The following SAXO1 variants were observed in gnomAD, a reference collection of about 807,000 sequenced individuals.
SAXO1 encodes the protein 4930500O09Rik.
In SAXO1, 21 loss-of-function variants were observed where a neutral mutation model predicts 17.5. The ratio of observed to expected loss-of-function variants is 1.20; its 90% CI spans 0.85 to 1.72. SAXO1 has a LOEUF of 1.72. Among genes scored for constraint, SAXO1 ranks in the 40% most tolerant of loss-of-function variants. SAXO1 has a pLI of 0.00. For missense variants in SAXO1, 843 were observed against 596.0 expected (o/e 1.41, Z -4.32); for synonymous variants, 274 against 216.5 (o/e 1.27, Z -2.33).
At chr9:18,973,460 A>G (rs1833025862) in intron 1 of SAXO1, among the ~76,000 whole-genome samples, 1 of 152,276 alleles carries the variant, frequency 6.6e-6, no homozygotes, top group African/African-American at 2.4e-5. Context: ...GATTTTCTCT[A>G]GAGCGTTGCC....
chr9:18,998,481 A>G (rs1834104710), intron 1 of SAXO1, among the ~76,000 whole-genome samples: 1 of 152,238 alleles, frequency 6.6e-6, no homozygotes, highest in Admixed American at 6.5e-5. Flanking sequence ...GACCAAATCT[A>G]TGTCTGATTG....
Position 19,032,870 on chromosome 9 carries a change from C to G in SAXO1, c.38+1G>C, listed in dbSNP as rs757846477. On this transcript the variant is annotated splice_donor_variant, in intron 1 of 3. Transcript: ENST00000380534. LOFTEE classifies it high-confidence loss of function. ...CCTTGCCCTGGGCGTGGCCACCTTA[C>G]CCGCAGGAGCACAGTTCACAGATGC... 9.3e-6 allele frequency: 15 copies of G among 1,610,304 alleles called. No individual in the cohort carries two copies. The highest frequency in any genetic ancestry group is 8.0e-5 in the African/African-American group (6 of 74,890).
chr9:18,970,012 G>A (rs1007910652), intron 1 of SAXO1, among the ~76,000 whole-genome samples: 1 of 152,166 alleles, frequency 6.6e-6, no homozygotes, highest in Admixed American at 6.5e-5. Flanking sequence ...CAGACTATAA[G>A]GACACTCCTC....
At chr9:18,987,314 T>C (rs368113358) in intron 1 of SAXO1, among the ~76,000 whole-genome samples, 4 of 152,174 alleles carry the variant, frequency 2.6e-5, no homozygotes, top group Admixed American at 6.5e-5. Flanking sequence ...AACTCCAAGA[T>C]GACAGAACTG....
At chr9:18,948,279 T>A (rs769280963) in intron 2 of SAXO1, among the ~76,000 whole-genome samples, 3 of 152,226 alleles carry the variant, frequency 2.0e-5, no homozygotes, top group Non-Finnish European at 4.4e-5. Context: ...AATGAAATTG[T>A]GGTAGAAAAG....
intron 1 of SAXO1, among the ~76,000 whole-genome samples, chr9:18,963,134 C>G (rs1404615158): frequency 6.6e-6 from 1 of 152,114 alleles, no homozygotes; most frequent in African/African-American, 2.4e-5. Flanking sequence ...TTTCTGAGGC[C>G]TCTGTTCTTT....
intron 3 of SAXO1, 88 bp downstream of exon 3, chr9:18,941,549 A>G: frequency 6.8e-7 from 1 of 1,471,082 alleles, no homozygotes; most frequent in South Asian, 1.2e-5. Flanking sequence ...CTCTTGCACT[A>G]ACTGAGTATG....
At chr9:18,958,933 G>C (rs1832367507) in intron 1 of SAXO1, among the ~76,000 whole-genome samples, 1 of 151,356 alleles carries the variant, frequency 6.6e-6, no homozygotes, top group African/African-American at 2.5e-5. Context: ...ATAAGTTTCT[G>C]GGGGAAAAAC....
At chr9:18,975,685 A>G (rs1833120012) in intron 1 of SAXO1, among the ~76,000 whole-genome samples, 1 of 152,210 alleles carries the variant, frequency 6.6e-6, no homozygotes, top group African/African-American at 2.4e-5. Flanking sequence ...AAATTCATAC[A>G]CTATGTAAAT....
chr9:18,937,140 T>A (rs1014631801), intron 3 of SAXO1, among the ~76,000 whole-genome samples: 19 of 152,186 alleles, frequency 1.2e-4, no homozygotes, highest in Non-Finnish European at 2.8e-4. Context: ...GACACAAACA[T>A]GTCACCCAAG....
At chr9:18,943,810 G>C (rs1256694186) in intron 2 of SAXO1, among the ~76,000 whole-genome samples, 1 of 152,218 alleles carries the variant, frequency 6.6e-6, no homozygotes, top group South Asian at 2.1e-4. Context: ...GCCGTGCTGA[G>C]CCCACCCAAC....
rs1832000445 is a variant in SAXO1 at position 18,950,757 on chromosome 9, C to T, written c.218+1G>A. ...CATACATTAATACTGTTTGCCCTCA[C>T]CTTGATGTAGTCAGGCCTTCCATTG... On this transcript the variant is annotated splice_donor_variant, in intron 2 of 3. Coordinates refer to ENST00000380534, the MANE Select transcript of SAXO1 (RefSeq NM_153707.4). LOFTEE classifies it high-confidence loss of function. 3.1e-6 allele frequency: 5 copies of T among 1,612,190 alleles called. No individual in the cohort carries two copies. The highest frequency in any genetic ancestry group is 1.6e-4 in the Middle Eastern group (1 of 6,064).
At chr9:19,027,513 G>A (rs1299959939) in intron 1 of SAXO1, 1 of 898,168 alleles carries the variant, frequency 1.1e-6, no homozygotes, top group Non-Finnish European at 1.9e-6. Flanking sequence ...AAGGGGTGCT[G>A]GCCCCCAGGG....
chr9:18,971,836 T>C (rs1273249793), intron 1 of SAXO1, among the ~76,000 whole-genome samples: 2 of 152,184 alleles, frequency 1.3e-5, no homozygotes, highest in African/African-American at 4.8e-5. Flanking sequence ...GAAATTAAAA[T>C]TTACAGATAG....
intron 1 of SAXO1, among the ~76,000 whole-genome samples, chr9:19,024,129 T>C (rs1245169316): frequency 1.4e-5 from 2 of 142,666 alleles, no homozygotes; most frequent in Non-Finnish European, 3.0e-5. Flanking sequence ...TTCTGAGACA[T>C]GTAAGAGTCC....
intron 2 of SAXO1, among the ~76,000 whole-genome samples, chr9:18,949,863 C>G (rs1486646532): frequency 6.6e-6 from 1 of 152,218 alleles, no homozygotes; most frequent in African/African-American, 2.4e-5. Context: ...CTGGAACAGT[C>G]AACATTCACC....
intron 1 of SAXO1, among the ~76,000 whole-genome samples, chr9:18,982,154 A>G (rs1344222247): frequency 3.3e-5 from 5 of 152,180 alleles, no homozygotes; most frequent in African/African-American, 1.2e-4. Flanking sequence ...CACCCAGCTC[A>G]GCCAAAACCT....
rs147953764 is a variant in SAXO1, at chr9:18,942,204, T to G, written c.219-365A>C. Among the ~76,000 whole-genome samples, 270 of 152,282 alleles carry G rather than the reference T, an allele frequency of 1.8e-3. 1 individual carries two copies. Among genetic ancestry groups the G allele is most frequent in the African/African-American group, 6.4e-3 (266 of 41,542 alleles). ...CTTCATTCCTACCACTTCTATTCAA[T>G]CACCATAATGTGGCCAGAATAAACT... On this transcript the variant is annotated intron_variant, in intron 2 of 3. Coordinates refer to ENST00000380534, the MANE Select transcript of SAXO1 (RefSeq NM_153707.4).
At position 19,000,902 on chromosome 9, in the gene SAXO1, T is replaced by C. The variant is rs1399190132; in HGVS notation, c.38+31969A>G. On this transcript the variant is annotated intron_variant, in intron 1 of 3. Transcript: ENST00000380534. ...ACAGCAGCTAACTATCCTAAATATA[T>C]ATGCACCCAATACAGGAGCACCCAG... 3.3e-5 allele frequency among the ~76,000 whole-genome samples: 5 copies of C among 152,190 alleles called. No homozygotes were observed. In the South Asian group the frequency reaches 1.0e-3, roughly 32 times the overall value.
Sources: allele counts gnomAD v4.1 joint callset (sites outside exome capture counted in the v4.1 genomes callset), GRCh38; gene constraint gnomAD v4.1.1; transcripts MANE v1.5; gene names NCBI Gene and HGNC (gene_info 2026-07-23, HGNC 2026-07-21).